C8orf76: variants seen among roughly 807,000 people sequenced by gnomAD.
The protein encoded by C8orf76 is uncharacterized protein C8orf76.
A neutral mutation model predicts 38.1 loss-of-function variants in C8orf76; 46 were observed. The ratio of observed to expected loss-of-function variants is 1.21; its 90% CI spans 0.95 to 1.54. The LOEUF (loss-of-function observed/expected upper bound fraction) is 1.54. Ranked by LOEUF, C8orf76 falls within the 40% of genes most tolerant of loss-of-function variation. C8orf76 has a pLI of 0.00. For missense variants in C8orf76, 461 were observed against 441.6 expected (o/e 1.04, Z -0.39); for synonymous variants, 166 against 167.5 (o/e 0.99, Z 0.07).
At chr8:123,227,482 T>C (rs1586801971) in intron 4 of C8orf76, among the ~76,000 whole-genome samples, 1 of 152,024 alleles carries the variant, frequency 6.6e-6, no homozygotes, top group African/African-American at 2.4e-5. Context: ...ACAAGTGCTA[T>C]GGAAAAAAAC....
At chr8:123,237,667 G>A (rs1029407490) in intron 3 of C8orf76, 131 bp downstream of exon 3, 3 of 1,284,824 alleles carry the variant, frequency 2.3e-6, no homozygotes, top group East Asian at 2.8e-5. Context: ...TCACACCCCT[G>A]ACAATTTTCT....
intron 5 of C8orf76, among the ~76,000 whole-genome samples, chr8:123,225,050 G>A (rs1173002455): frequency 6.6e-6 from 1 of 152,164 alleles, no homozygotes; most frequent in Admixed American, 6.5e-5. Flanking sequence ...CTGTTGCCCA[G>A]GCTGTAGTGC....
At position 123,231,567 on chromosome 8, in the gene C8orf76, G is replaced by A; in HGVS notation, c.548C>T (p.Ala183Val). The change falls in exon 4 of 6, where the codon GCA (alanine) becomes GTA (valine). Residue 183 changes from alanine (A) to valine (V), a missense_variant. Coordinates refer to ENST00000276704, the MANE Select transcript of C8orf76 (RefSeq NM_032847.3). ...AYLNLGPALS[A>V]ALASSQKQHS... ...CTGTTTCTGAGATGACGCAAGTGCT[G>A]CTGAAAGAGCTGGCCCCAGATTCAG... The A allele has an allele frequency of 1.2e-6, 2 of 1,614,230 alleles. No individual in the cohort carries two copies. The highest frequency in any genetic ancestry group is 1.7e-6 in the Non-Finnish European group (2 of 1,180,044).
intron 5 of C8orf76, among the ~76,000 whole-genome samples, chr8:123,225,856 T>A (rs1246096265): frequency 6.6e-6 from 1 of 151,030 alleles, no homozygotes; most frequent in South Asian, 2.1e-4. Flanking sequence ...ACCCAAGAGG[T>A]AGAGGTTGCA....
chr8:123,227,931 C>T (rs1014126729), intron 4 of C8orf76, among the ~76,000 whole-genome samples: 1 of 152,192 alleles, frequency 6.6e-6, no homozygotes, highest in African/African-American at 2.4e-5. Context: ...CATTCACCTT[C>T]GTTACCCCTT....
Position 123,231,367 on chromosome 8 carries a change from C to T in C8orf76, c.748G>A (p.Ala250Thr), listed in dbSNP as rs1216898876. ...ATCAACACTGTTTCTCTCTTTTCTG[C>T]CATACAGTTTTGGATATTTGTCAGA... ...KALTNIQNCM[A>T]EKRETVLIET... is the part of the protein sequence containing the mutation. The change falls in exon 4 of 6, where the codon GCA becomes ACA. Residue 250 changes from alanine to threonine, a missense_variant. Ala to Thr is a moderately conservative substitution (Grantham distance 58, BLOSUM62 0). Transcript: ENST00000276704. 6.2e-7 allele frequency: 1 copy of T among 1,614,114 alleles called. No homozygotes were observed. Among genetic ancestry groups the T allele is most frequent in the Admixed American group, 1.7e-5 (1 of 60,006 alleles).
chr8:123,236,733 G>A (rs1372874942), intron 3 of C8orf76: 1 of 414,570 alleles, frequency 2.4e-6, no homozygotes. Flanking sequence ...GCGGCAAGCC[G>A]GGATCACTCC....
intron 3 of C8orf76, chr8:123,237,115 G>A (rs1242628479): frequency 2.1e-6 from 2 of 973,112 alleles, no homozygotes; most frequent in East Asian, 2.4e-5. Context: ...ACAACAAGAT[G>A]ATCTGCCGCA....
intron 5 of C8orf76, among the ~76,000 whole-genome samples, chr8:123,223,323 CTT>C (rs1490664078): frequency 1.3e-5 from 2 of 152,152 alleles, no homozygotes; most frequent in Admixed American, 1.3e-4. Context: ...AAAACAGAGA[CTT>C]AGCCGGGTGC....
At position 123,241,210 on chromosome 8, in the gene C8orf76, A is replaced by C; in HGVS notation, c.117+20T>G. On this transcript the variant is annotated intron_variant, in intron 1 of 5. Transcript: ENST00000276704. ...GAGGCCTGGGGCCCGGGATAAGGCGAAGAGGCCCCAGCTTCTCACCTGCGG... is the reference window on the plus strand; with the variant it reads ...GAGGCCTGGGGCCCGGGATAAGGCGCAGAGGCCCCAGCTTCTCACCTGCGG... 1 of 1,574,954 alleles carries C rather than the reference A, an allele frequency of 6.3e-7. No individual in the cohort carries two copies.
chr8:123,237,696 T>C (rs1417013973), intron 3 of C8orf76, 102 bp downstream of exon 3: 10 of 1,424,246 alleles, frequency 7.0e-6, no homozygotes, highest in Admixed American at 2.9e-5. Context: ...TCCAAACCCA[T>C]AGATTTTGCT....
intron 5 of C8orf76, among the ~76,000 whole-genome samples, chr8:123,224,647 A>T (rs888968395): frequency 2.0e-5 from 3 of 152,180 alleles, no homozygotes; most frequent in African/African-American, 7.2e-5. Flanking sequence ...GTACATTATA[A>T]TCCTAATTAC....
chr8:123,224,269 ATATT>A (rs1824965131), intron 5 of C8orf76, among the ~76,000 whole-genome samples: 1 of 152,220 alleles, frequency 6.6e-6, no homozygotes, highest in South Asian at 2.1e-4. Context: ...TGATCATAGA[ATATT>A]TAAGGATACA....
chr8:123,236,889 T>G, intron 3 of C8orf76: 1 of 960,190 alleles, frequency 1.0e-6, no homozygotes, highest in Non-Finnish European at 1.7e-6. Flanking sequence ...GGCAAGACCA[T>G]CACCCTTGAG....
chr8:123,234,586 T>A (rs1433306641), intron 3 of C8orf76, among the ~76,000 whole-genome samples: 12 of 151,918 alleles, frequency 7.9e-5, no homozygotes, highest in Admixed American at 7.9e-4. Context: ...CTGGACAACA[T>A]GATGAAACCC....
At chr8:123,237,351 T>A (rs1239573645) in intron 3 of C8orf76, among the ~76,000 whole-genome samples, 1 of 152,136 alleles carries the variant, frequency 6.6e-6, no homozygotes, top group Non-Finnish European at 1.5e-5. Flanking sequence ...CAAATTCCAC[T>A]TAAAAATAAA....
Position 123,220,203 on chromosome 8 carries a change from A to G in C8orf76, c.1043T>C (p.Val348Ala), listed in dbSNP as rs2131126704. 6.2e-7 allele frequency: 1 copy of G among 1,614,054 alleles called. No homozygotes were observed. The highest frequency in any genetic ancestry group is 2.2e-5 in the East Asian group (1 of 44,888). ...CTTGTCTTCAAATTCTTCTGAGGAT[A>G]CAGTCACCAAGGCAGTCAGGGCTAC... Reference protein sequence around the residue: ...GSVALTALVTVSSEEFEDKWF... With the variant: ...GSVALTALVTASSEEFEDKWF... Residue 348 changes from valine to alanine, a missense_variant, in exon 6 of 6, where the codon GTA (valine) becomes GCA (alanine). Transcript: ENST00000276704.
At chr8:123,226,654 A>G in intron 4 of C8orf76, 22 bp from the exon 5 acceptor site, 1 of 1,577,552 alleles carries the variant, frequency 6.3e-7, no homozygotes, top group Non-Finnish European at 8.6e-7. Flanking sequence ...AAAAGTCTCA[A>G]TGCGTGGCGA....
chr8:123,229,814 C>T (rs188458999), intron 4 of C8orf76, among the ~76,000 whole-genome samples: 1,704 of 152,110 alleles, frequency 0.011, 31 homozygotes, highest in African/African-American at 0.038. Context: ...GTCAGGAGTT[C>T]GAGACCAGCC....
Sources: gnomAD v4.1 joint callset for allele counts (sites outside exome capture counted in the v4.1 genomes callset) on GRCh38, gnomAD v4.1.1 for gene constraint, MANE v1.5 for transcripts, NCBI Gene and HGNC (gene_info 2026-07-23, HGNC 2026-07-21) for gene names.